The following LMF1 variants were observed in gnomAD, a reference collection of about 807,000 sequenced individuals.
LMF1 encodes lipase maturation factor 1.
Under a neutral mutation model 60.6 loss-of-function variants are expected in LMF1, and 68 were observed. The observed-to-expected ratio is 1.12, with a 90% CI of 0.92 to 1.37. The LOEUF (loss-of-function observed/expected upper bound fraction) is 1.37. Among genes scored for constraint, LMF1 ranks in the 40% most tolerant of loss-of-function variants. LMF1 has a pLI of 0.00. For synonymous variants in LMF1, 418 were observed against 324.7 expected, an observed-to-expected ratio of 1.29 and a Z score of -3.09; for missense variants, 948 against 767.2, an observed-to-expected ratio of 1.24 and a Z score of -2.78.
intron 1 of LMF1, 49 bp downstream of exon 1, chr16:970,739 G>T: frequency 6.8e-7 from 1 of 1,467,094 alleles, no homozygotes; most frequent in Non-Finnish European, 9.2e-7. Flanking sequence ...GGGGGTCGTG[G>T]TGCGCGGAGG....
chr16:927,900 G>A (rs1001582508), intron 3 of LMF1, among the ~76,000 whole-genome samples: 8 of 152,220 alleles, frequency 5.3e-5, no homozygotes, highest in East Asian at 3.8e-4. Context: ...CTGGGGCCCC[G>A]CACACGCACG....
chr16:966,648 C>A (rs1208232350), intron 1 of LMF1, among the ~76,000 whole-genome samples: 1 of 152,236 alleles, frequency 6.6e-6, no homozygotes, highest in African/African-American at 2.4e-5. Context: ...GTCTCCCAGG[C>A]GGGTGTGTCC....
intron 3 of LMF1, among the ~76,000 whole-genome samples, chr16:927,923 C>T (rs964492276): frequency 2.0e-5 from 3 of 152,212 alleles, no homozygotes; most frequent in African/African-American, 7.2e-5. Flanking sequence ...GACACTTGGC[C>T]TGTGCGGGGA....
At chr16:957,841 AC>A (rs1428159507) in intron 1 of LMF1, among the ~76,000 whole-genome samples, 1 of 152,152 alleles carries the variant, frequency 6.6e-6, no homozygotes, top group Non-Finnish European at 1.5e-5. Context: ...AGGCAACTAC[AC>A]AGACAAAGAG....
chr16:871,367 C>A (rs756539418), intron 6 of LMF1, 26 bp from the exon 7 acceptor site: 2 of 1,607,118 alleles, frequency 1.2e-6, no homozygotes, highest in South Asian at 2.2e-5. Flanking sequence ...AGCTGAGTCT[C>A]GTGCAGGGGC....
intron 1 of LMF1, chr16:980,124 G>A (rs1391873196): frequency 2.9e-5 from 8 of 271,536 alleles, no homozygotes; most frequent in East Asian, 1.0e-4. Flanking sequence ...TGCTTCCTCT[G>A]ACCTGGCTGC....
chr16:858,964 CAGTGGTGTCACGGGACGG>C (rs1390119360), intron 10 of LMF1, among the ~76,000 whole-genome samples: 25 of 54,034 alleles, frequency 4.6e-4, no homozygotes, highest in African/African-American at 8.7e-4. Context: ...GACGGGTGTG[CAGTGGTGTCACGGGACGG>C]GTGTGCAGTG....
chr16:880,056 G>A (rs911382013), intron 5 of LMF1, among the ~76,000 whole-genome samples: 7 of 152,200 alleles, frequency 4.6e-5, no homozygotes, highest in African/African-American at 1.4e-4. Context: ...ACAGGCAGTC[G>A]GAGAACAGGC....
At chr16:922,619 T>TC (rs2071465585) in intron 3 of LMF1, among the ~76,000 whole-genome samples, 9 of 120,500 alleles carry the variant, frequency 7.5e-5, no homozygotes, top group Admixed American at 1.6e-4. Context: ...GTGGTGTTGG[T>TC]GCGTGTTGTT....
rs907968517 is a variant in LMF1 at position 871,141 on chromosome 16, C to A, written c.1078+20G>T. ...ACTTTCTCCTGCCCTTGGGCAGGGG[C>A]CCCCAGCTGAGCCACCTACCGAATC... On this transcript the variant is annotated intron_variant, in intron 7 of 10. Coordinates refer to ENST00000262301, the MANE Select transcript of LMF1 (RefSeq NM_022773.4). The A allele has an allele frequency of 1.1e-5, 17 of 1,551,608 alleles. No homozygotes were observed. The highest frequency in any genetic ancestry group is 1.4e-5 in the Non-Finnish European group (16 of 1,148,914).
At position 861,354 on chromosome 16, in the gene LMF1, CTTT is replaced by C. The variant is rs33941455; in HGVS notation, c.1530-6651_1530-6649del. Among the ~76,000 whole-genome samples the C allele has an allele frequency of 6.5e-3, 607 of 92,700 alleles. 6 individuals are homozygous for C. The highest frequency in any genetic ancestry group is 0.024 in the African/African-American group (565 of 23,550). The allele number at this position is 92,700 out of a possible 152,430, so 60.8% of individuals were successfully genotyped here. On this transcript the variant is annotated intron_variant, in intron 10 of 10. Transcript: ENST00000262301. ...CTGAACTCACTTATTAATTTTCTTT[CTTT>C]TTTTTTTTTTTTTTTTTTGAGATGG...
intron 5 of LMF1, among the ~76,000 whole-genome samples, chr16:886,242 G>A (rs1027283842): frequency 4.6e-5 from 7 of 152,172 alleles, no homozygotes; most frequent in African/African-American, 1.7e-4. Flanking sequence ...ATAACAACAG[G>A]GCTCAGATGC....
At chr16:881,175 A>C (rs2070152533) in intron 5 of LMF1, among the ~76,000 whole-genome samples, 1 of 152,194 alleles carries the variant, frequency 6.6e-6, no homozygotes, top group Admixed American at 6.5e-5. Context: ...TGGGAAGCGC[A>C]GGAGAGGCGG....
intron 1 of LMF1, 142 bp from the exon 2 acceptor site, chr16:954,808 C>G: frequency 1.4e-6 from 1 of 735,688 alleles, no homozygotes; most frequent in Non-Finnish European, 2.2e-6. Flanking sequence ...ACCCTAGACT[C>G]AGGAGTCTGA....
chr16:965,143 C>T (rs1226540976), intron 1 of LMF1, among the ~76,000 whole-genome samples: 2 of 152,226 alleles, frequency 1.3e-5, no homozygotes, highest in Admixed American at 1.3e-4. Context: ...AGGCTGTCCC[C>T]GTCACTCGGG....
Position 934,192 on chromosome 16 carries a change from A to G in LMF1, c.514+52T>C, listed in dbSNP as rs1200973974. 12 of 1,598,936 alleles carry G rather than the reference A, an allele frequency of 7.5e-6. No individual in the cohort carries two copies. The African/African-American group carries it at 1.2e-4, about 16-fold the overall frequency. ...GAAAAGTGCGTGAAGATACATACCA[A>G]ACACACAACGCTCAACTCTCGCAGA... is the stretch of plus-strand genomic sequence containing the variant. On this transcript the variant is annotated intron_variant, in intron 3 of 10. Transcript: ENST00000262301.
chr16:869,546 G>A (rs751517048), intron 9 of LMF1: 28 of 583,730 alleles, frequency 4.8e-5, no homozygotes, highest in South Asian at 2.6e-4. Context: ...CTCCTCCTGC[G>A]TAGCTGAAAC....
chr16:875,547 C>G (rs1056605982), intron 6 of LMF1, among the ~76,000 whole-genome samples: 1 of 152,172 alleles, frequency 6.6e-6, no homozygotes, highest in African/African-American at 2.4e-5. Flanking sequence ...GAGCTTCTCC[C>G]AGGCAGCATC....
chr16:862,469 T>A (rs983553610), intron 10 of LMF1, among the ~76,000 whole-genome samples: 1 of 152,124 alleles, frequency 6.6e-6, no homozygotes, highest in African/African-American at 2.4e-5. Flanking sequence ...TGTTAAAAAA[T>A]TTTGTGTCTA....
Sources: gnomAD v4.1 joint callset for allele counts (sites outside exome capture counted in the v4.1 genomes callset) on GRCh38, gnomAD v4.1.1 for gene constraint, MANE v1.5 for transcripts, NCBI Gene and HGNC (gene_info 2026-07-23, HGNC 2026-07-21) for gene names.